The following RYR2 variants were observed in gnomAD, a reference collection of about 807,000 sequenced individuals.
The protein encoded by RYR2 is ryanodine receptor 2, also known as cardiac muscle ryanodine receptor-calcium release channel.
A neutral mutation model predicts 601.1 loss-of-function variants in RYR2; 227 were observed. The observed-to-expected ratio is 0.38, with a 90% CI of 0.34 to 0.42. The LOEUF (loss-of-function observed/expected upper bound fraction) is 0.42, where lower values mean the gene tolerates loss of function less well. Ranked by LOEUF, RYR2 falls within the 10% of genes least tolerant of loss-of-function variation. The pLI is 1.00. For synonymous variants in RYR2, 2,223 were observed against 2,175.1 expected (o/e 1.02, Z -0.61); for missense variants, 4,646 against 6,156.5 (o/e 0.75, Z 8.21).
At chr1:237,130,024 C>A (rs911561173) in intron 1 of RYR2, among the ~76,000 whole-genome samples, 9 of 152,010 alleles carry the variant, frequency 5.9e-5, no homozygotes, top group African/African-American at 2.2e-4. Flanking sequence ...TGAATAAGTT[C>A]TGGAGATCTA....
At chr1:237,709,704 A>C (rs1688673335) in intron 70 of RYR2, 137 bp downstream of exon 70, 1 of 491,760 alleles carries the variant, frequency 2.0e-6, no homozygotes, top group South Asian at 4.8e-5. Flanking sequence ...CCTTCTTCTG[A>C]GTTTTGCAAT....
intron 2 of RYR2, among the ~76,000 whole-genome samples, chr1:237,316,893 C>T (rs1030785084): frequency 6.6e-6 from 1 of 152,166 alleles, no homozygotes; most frequent in Non-Finnish European, 1.5e-5. Context: ...GGATGACCAA[C>T]AACCACAAAC....
intron 1 of RYR2, among the ~76,000 whole-genome samples, chr1:237,222,928 G>A (rs1032304894): frequency 6.6e-5 from 10 of 152,098 alleles, no homozygotes; most frequent in Admixed American, 5.9e-4. Context: ...ATCCCGGCAT[G>A]GTGGCACATG....
intron 3 of RYR2, among the ~76,000 whole-genome samples, chr1:237,350,571 C>CAAAAAAAAAA (rs1167546068): frequency 7.4e-5 from 2 of 26,958 alleles, no homozygotes; most frequent in African/African-American, 1.1e-4. Context: ...GACTCTGTCT[C>CAAAAAAAAAA]AAAAAAAAAA....
Position 237,640,826 on chromosome 1 carries a change from G to C in RYR2, c.7116-71G>C, listed in dbSNP as rs191841470. The stretch of plus-strand genomic sequence containing the variant: ...TTACCTAGTAGTCCCTTTCCTCGGA[G>C]AGATATGTAATAAACATGAAATGTC... On this transcript the variant is annotated intron_variant, in intron 46 of 104. Transcript: ENST00000366574. The C allele has an allele frequency of 1.3e-5, 16 of 1,211,158 alleles. No homozygotes were observed. In the Admixed American group the frequency reaches 2.7e-4, roughly 21 times the overall value. 75.0% of individuals were successfully genotyped at this position (1,211,158 alleles called of 1,614,324 possible).
At chr1:237,803,510 CAGG>C in intron 98 of RYR2, among the ~76,000 whole-genome samples, 1 of 152,088 alleles carries the variant, frequency 6.6e-6, no homozygotes, top group Non-Finnish European at 1.5e-5. Flanking sequence ...CCATGTTAGC[CAGG>C]ATGGTCTCGA....
chr1:237,477,338 C>T (rs1661528528), intron 17 of RYR2, among the ~76,000 whole-genome samples: 1 of 151,988 alleles, frequency 6.6e-6, no homozygotes, highest in African/African-American at 2.4e-5. Context: ...TTGCAGTGAG[C>T]CGAGATCACA....
At chr1:237,591,991 G>T in intron 32 of RYR2, 138 bp downstream of exon 32, 1 of 690,000 alleles carries the variant, frequency 1.4e-6, no homozygotes, top group Non-Finnish European at 2.3e-6. Context: ...TATATTTTGG[G>T]GACTGAAAGT....
chr1:237,466,458 C>T lies in RYR2; in HGVS notation c.1613-2634C>T, dbSNP rs182022833. On this transcript the variant is annotated intron_variant, in intron 16 of 104. Coordinates refer to ENST00000366574, the MANE Select transcript of RYR2 (RefSeq NM_001035.3). ...CTGGGATTATAGGTATGAGCCACTA[C>T]GCCTGGTGTAATGCCCTTTTCTTAA... Among the ~76,000 whole-genome samples the T allele has an allele frequency of 1.5e-4, 23 of 152,222 alleles. No individual in the cohort carries two copies. The East Asian group carries it at 2.5e-3, about 17-fold the overall frequency.
chr1:237,832,921 C>CATAG lies in RYR2; in HGVS notation c.*281_*284dup, dbSNP rs543109617. The CATAG allele has an allele frequency of 3.8e-6, 1 of 262,222 alleles. No homozygotes were observed. Among genetic ancestry groups the CATAG allele is most frequent in the South Asian group, 9.1e-5 (1 of 10,982 alleles). 16.2% of individuals were successfully genotyped at this position (262,222 alleles called of 1,614,324 possible). A position where few individuals can be genotyped will look rare whatever the true frequency, so the allele number is the denominator to read the frequency against. On this transcript the variant is annotated 3_prime_UTR_variant, in exon 105 of 105. Transcript: ENST00000366574. ...CCATTCTGGACACTGTCATAACACA[C>CATAG]ATAGATAGATTTTCTTCTGAGACTC...
chr1:237,298,589 T>C (rs1476150357), intron 2 of RYR2, among the ~76,000 whole-genome samples: 1 of 152,184 alleles, frequency 6.6e-6, no homozygotes, highest in Non-Finnish European at 1.5e-5. Context: ...TGGATTTCTG[T>C]GAGCTTCCAT....
intron 46 of RYR2, among the ~76,000 whole-genome samples, chr1:237,640,131 C>T (rs988250155): frequency 9.2e-5 from 14 of 152,122 alleles, no homozygotes; most frequent in Non-Finnish European, 2.1e-4. Flanking sequence ...CCCAGGACCA[C>T]ACTAGCAAGG....
intron 25 of RYR2, among the ~76,000 whole-genome samples, chr1:237,543,337 T>TA (rs1200263413): frequency 6.6e-6 from 1 of 152,178 alleles, no homozygotes; most frequent in Admixed American, 6.5e-5. Context: ...CAAACAAAAG[T>TA]AAAAAAGTAG....
At chr1:237,103,288 G>A (rs1253863636) in intron 1 of RYR2, among the ~76,000 whole-genome samples, 17 of 152,308 alleles carry the variant, frequency 1.1e-4, no homozygotes, top group African/African-American at 3.1e-4. Context: ...TCACTGTTGC[G>A]TGAGTCATGG....
At chr1:237,593,443 C>A in intron 32 of RYR2, 33 bp from the exon 33 acceptor site, 1 of 1,565,868 alleles carries the variant, frequency 6.4e-7, no homozygotes, top group South Asian at 1.2e-5. Context: ...TTTAGTTTTA[C>A]TTTGCCAATA....
At chr1:237,539,206 C>A (rs966005751) in intron 25 of RYR2, among the ~76,000 whole-genome samples, 1 of 152,138 alleles carries the variant, frequency 6.6e-6, no homozygotes, top group Non-Finnish European at 1.5e-5. Context: ...TGTTTTCTAC[C>A]AGGTTTACCT....
chr1:237,760,075 T>C (rs559287214), intron 83 of RYR2, among the ~76,000 whole-genome samples: 5 of 152,086 alleles, frequency 3.3e-5, no homozygotes, highest in African/African-American at 1.2e-4. Flanking sequence ...AAAATAGCTT[T>C]CCCATAGTAC....
At chr1:237,700,156 A>C in intron 64 of RYR2, 73 bp from the exon 65 acceptor site, 1 of 985,994 alleles carries the variant, frequency 1.0e-6, no homozygotes. Context: ...AAACATCATA[A>C]GAGAACCACA....
At chr1:237,142,067 G>C (rs1673446391) in intron 1 of RYR2, among the ~76,000 whole-genome samples, 1 of 152,232 alleles carries the variant, frequency 6.6e-6, no homozygotes, top group African/African-American at 2.4e-5. Context: ...CCTCACTGGA[G>C]ATGCCTTATG....
Sources: gnomAD v4.1 joint callset for allele counts (sites outside exome capture counted in the v4.1 genomes callset) on GRCh38, gnomAD v4.1.1 for gene constraint, MANE v1.5 for transcripts, NCBI Gene and HGNC (gene_info 2026-07-23, HGNC 2026-07-21) for gene names.